Variants in ST18 observed in about 807,000 individuals in gnomAD.
ST18 encodes suppression of tumorigenicity 18 protein.
ST18 carries 50 observed loss-of-function variants against 110.0 expected under a neutral mutation model. That is an observed-to-expected ratio of 0.45 (90% CI 0.36 to 0.58). The LOEUF (loss-of-function observed/expected upper bound fraction) is 0.58, where lower values mean the gene tolerates loss of function less well. Ranked by LOEUF, ST18 falls within the 20% of genes least tolerant of loss-of-function variation. The pLI is 0.00. For missense variants in ST18, 1,306 were observed against 1,280.1 expected, an observed-to-expected ratio of 1.02 and a Z score of -0.31; for synonymous variants, 461 against 452.4, an observed-to-expected ratio of 1.02 and a Z score of -0.24.
chr8:52,158,905 T>C lies in ST18; in HGVS notation c.1799A>G (p.His600Arg). ...DILSNKPQSL[H>R]AKGAEIEVDE... ...GCTCTTGGACTGGCCTACCTTGGCA[T>C]GCAGACTCTGTGGCTTGTTGGAGAG... The change falls in exon 15 of 26, where the codon CAT (histidine) becomes CGT (arginine). Residue 600 changes from histidine to arginine, a missense_variant. By Grantham distance (29) the His-to-Arg change is conservative (BLOSUM62 0). Transcript: ENST00000689386. 1 of 1,614,008 alleles carries C rather than the reference T, an allele frequency of 6.2e-7. No homozygotes were observed. The highest frequency in any genetic ancestry group is 8.5e-7 in the Non-Finnish European group (1 of 1,179,878).
At chr8:52,155,557 A>T (rs1308126578) in intron 15 of ST18, among the ~76,000 whole-genome samples, 9 of 152,162 alleles carry the variant, frequency 5.9e-5, no homozygotes. Flanking sequence ...TGACCATGTG[A>T]ACAGCAGCAT....
intron 2 of ST18, among the ~76,000 whole-genome samples, chr8:52,362,797 G>T (rs769287828): frequency 1.3e-5 from 2 of 152,108 alleles, no homozygotes; most frequent in Non-Finnish European, 2.9e-5. Context: ...CTCCCCTGTA[G>T]GGTCCTTCTT....
chr8:52,265,373 A>G (rs2094835649), intron 2 of ST18, among the ~76,000 whole-genome samples: 1 of 136,804 alleles, frequency 7.3e-6, no homozygotes, highest in Non-Finnish European at 1.5e-5. Flanking sequence ...ATGGGAAGTT[A>G]TGGGAGGGCT....
chr8:52,167,265 C>T (rs114203166), intron 10 of ST18, among the ~76,000 whole-genome samples: 1,765 of 152,264 alleles, frequency 0.012, 43 homozygotes, highest in African/African-American at 0.041. Flanking sequence ...GTAGTTAGAG[C>T]CTCATTATGA....
intron 2 of ST18, among the ~76,000 whole-genome samples, chr8:52,381,979 A>AAAC (rs1554859942): frequency 2.0e-5 from 3 of 151,738 alleles, no homozygotes; most frequent in African/African-American, 7.3e-5. Context: ...AAAAACAAAA[A>AAAC]AAAACAAAAA....
At chr8:52,142,011 T>A (rs79935954) in intron 17 of ST18, among the ~76,000 whole-genome samples, 46 of 152,240 alleles carry the variant, frequency 3.0e-4, no homozygotes, top group African/African-American at 1.1e-3. Flanking sequence ...AGGTGAGGCA[T>A]CCTAGAGGCC....
At position 52,166,870 on chromosome 8, in the gene ST18, C is replaced by T; in HGVS notation, c.1186G>A (p.Val396Met). The T allele has an allele frequency of 1.3e-6, 2 of 1,593,214 alleles. No homozygotes were observed. The highest frequency in any genetic ancestry group is 1.1e-5 in the South Asian group (1 of 89,202). The change falls in exon 11 of 26, where the codon GTG becomes ATG. Residue 396 changes from valine to methionine, a missense_variant. Physicochemically the swap from Val to Met is conservative, Grantham distance 21. Transcript: ENST00000689386. ...TACTCACTTTCCAGGGGAACCCGCA[C>T]TTTGTGGGGGCACCCCGAAAGGCTG... ...HRSLSGCPHK[V>M]RVPLEILAMH...
intron 2 of ST18, among the ~76,000 whole-genome samples, chr8:52,366,088 C>A (rs1827828279): frequency 6.6e-6 from 1 of 152,240 alleles, no homozygotes; most frequent in South Asian, 2.1e-4. Context: ...AGAGGACACA[C>A]AACTTGTCCA....
chr8:52,207,657 T>G (rs571121827), intron 8 of ST18, among the ~76,000 whole-genome samples: 1 of 152,180 alleles, frequency 6.6e-6, no homozygotes, highest in Non-Finnish European at 1.5e-5. Flanking sequence ...ATTAAAACTT[T>G]CATTACCAAA....
intron 2 of ST18, among the ~76,000 whole-genome samples, chr8:52,350,984 T>C (rs1474266746): frequency 6.6e-6 from 1 of 152,106 alleles, no homozygotes; most frequent in Non-Finnish European, 1.5e-5. Flanking sequence ...CCTCCCAAAG[T>C]GCTGGGATTA....
intron 2 of ST18, chr8:52,296,600 C>T (rs1311304119): frequency 6.6e-6 from 1 of 152,200 alleles, no homozygotes; most frequent in Non-Finnish European, 1.5e-5. Context: ...CTTACTGTAA[C>T]TCAGCTTCCT....
intron 22 of ST18, among the ~76,000 whole-genome samples, chr8:52,126,889 C>G (rs183924918): frequency 1.2e-4 from 19 of 152,292 alleles, no homozygotes; most frequent in Non-Finnish European, 2.5e-4. Flanking sequence ...ATTTAAATTG[C>G]ACCAGCATGA....
chr8:52,194,663 A>C (rs1199295496), intron 8 of ST18: 1 of 152,206 alleles, frequency 6.6e-6, no homozygotes, highest in Non-Finnish European at 1.5e-5. Flanking sequence ...TCCCTTATCC[A>C]TGTGGGCTTC....
chr8:52,149,002 A>T (rs2058112355), intron 16 of ST18, among the ~76,000 whole-genome samples: 1 of 152,264 alleles, frequency 6.6e-6, no homozygotes, highest in Non-Finnish European at 1.5e-5. Context: ...TTAAGGCCAC[A>T]TCTGCAATTA....
intron 2 of ST18, among the ~76,000 whole-genome samples, chr8:52,345,634 G>A (rs982302091): frequency 1.3e-5 from 2 of 152,228 alleles, no homozygotes; most frequent in Non-Finnish European, 2.9e-5. Flanking sequence ...TATAGAGGAT[G>A]TGAAGTTGGA....
chr8:52,305,099 G>T (rs1041770875), intron 2 of ST18, among the ~76,000 whole-genome samples: 3 of 152,178 alleles, frequency 2.0e-5, no homozygotes, highest in Admixed American at 2.0e-4. Flanking sequence ...AGCTTAAGTA[G>T]TAGTAGGAAA....
chr8:52,282,472 G>C (rs977830822), intron 2 of ST18, among the ~76,000 whole-genome samples: 2 of 152,166 alleles, frequency 1.3e-5, no homozygotes, highest in Non-Finnish European at 2.9e-5. Context: ...GGGGGTTCAA[G>C]CCACTGGGGA....
At chr8:52,308,481 G>A (rs2095849290) in intron 2 of ST18, among the ~76,000 whole-genome samples, 1 of 152,168 alleles carries the variant, frequency 6.6e-6, no homozygotes, top group Non-Finnish European at 1.5e-5. Flanking sequence ...AATAAGCAGA[G>A]CCACAGCTCA....
In ST18 at chr8:52,189,904, C is replaced by T. The variant is rs376651712; in HGVS notation, c.87-9592G>A. ...ATACATATTGGCTTCTTGGCTAGTG[C>T]GGTAGGAGCTAATAAAGTGAGACCC... On this transcript the variant is annotated intron_variant, in intron 8 of 25. Transcript: ENST00000689386. Among the ~76,000 whole-genome samples the T allele has an allele frequency of 1.4e-4, 22 of 152,244 alleles. 1 individual carries two copies. Among genetic ancestry groups the T allele is most frequent in the Admixed American group, 2.0e-4 (3 of 15,284 alleles).
Sources: allele counts gnomAD v4.1 joint callset (sites outside exome capture counted in the v4.1 genomes callset), GRCh38; gene constraint gnomAD v4.1.1; transcripts MANE v1.5; gene names NCBI Gene and HGNC (gene_info 2026-07-23, HGNC 2026-07-21).